Variants in PIH1D2 observed in about 807,000 individuals in gnomAD.
The protein encoded by PIH1D2 is PIH1 domain-containing protein 2.
Under a neutral mutation model 31.2 loss-of-function variants are expected in PIH1D2, and 25 were observed. The ratio of observed to expected loss-of-function variants is 0.80; its 90% CI spans 0.58 to 1.12. The LOEUF (loss-of-function observed/expected upper bound fraction) is 1.12, where lower values mean the gene tolerates loss of function less well. Among genes scored for constraint, PIH1D2 ranks in the 50% most tolerant of loss-of-function variants. PIH1D2 has a pLI of 0.00. For missense variants in PIH1D2, 310 were observed against 356.6 expected, an observed-to-expected ratio of 0.87 and a Z score of 1.05; for synonymous variants, 116 against 119.9, an observed-to-expected ratio of 0.97 and a Z score of 0.21.
chr11:112,055,152 C>T, the PIH1D2 span, among the ~76,000 whole-genome samples: 1 of 151,666 alleles, frequency 6.6e-6, no homozygotes, highest in South Asian at 2.1e-4. Flanking sequence ...ATTCATACTA[C>T]TGACTCGTGG....
At chr11:112,066,379 G>A (rs587736420), downstream of PIH1D2, among the ~76,000 whole-genome samples, 3 of 152,206 alleles carry the variant, frequency 2.0e-5, no homozygotes, top group South Asian at 2.1e-4. Flanking sequence ...GGTGGCTTAC[G>A]TCTGTAATGT....
chr11:112,066,286 A>G (rs1477575003), downstream of PIH1D2, among the ~76,000 whole-genome samples: 3 of 152,144 alleles, frequency 2.0e-5, no homozygotes, highest in African/African-American at 7.2e-5. Context: ...ACTTCTGATC[A>G]TTTCTTTAGG....
At chr11:112,061,011 A>T, downstream of PIH1D2, 3 of 1,537,836 alleles carry the variant, frequency 2.0e-6, no homozygotes, top group Non-Finnish European at 2.6e-6. Flanking sequence ...ACAAACTATA[A>T]TTTATTTTTA....
the PIH1D2 span, among the ~76,000 whole-genome samples, chr11:112,057,400 G>T: frequency 2.0e-5 from 3 of 152,230 alleles, no homozygotes; most frequent in African/African-American, 7.2e-5. Context: ...AGCCAAGATC[G>T]GTTGAAAGCT....
chr11:112,063,282 C>T (rs1319105311), downstream of PIH1D2: 2 of 151,440 alleles, frequency 1.3e-5, no homozygotes, highest in Non-Finnish European at 2.9e-5. Flanking sequence ...ACAGTTACCT[C>T]CAAAAAAGAA....
downstream of PIH1D2, among the ~76,000 whole-genome samples, chr11:112,058,659 A>G (rs1205687553): frequency 5.3e-5 from 8 of 149,578 alleles, no homozygotes; most frequent in Non-Finnish European, 1.0e-4. Context: ...TTTTTCTACT[A>G]ACATTTAGCA....
At chr11:112,066,977 C>T (rs1864944586), downstream of PIH1D2, among the ~76,000 whole-genome samples, 2 of 152,102 alleles carry the variant, frequency 1.3e-5, no homozygotes, top group Admixed American at 6.5e-5. Flanking sequence ...ACGGGAGGAT[C>T]GCTTGAACCT....
downstream of PIH1D2, among the ~76,000 whole-genome samples, chr11:112,059,349 C>T (rs1337718147): frequency 1.3e-5 from 2 of 149,826 alleles, no homozygotes; most frequent in East Asian, 3.9e-4. Context: ...ACACATTTCT[C>T]ATTCTTTTTT....
downstream of PIH1D2, chr11:112,064,017 C>A: frequency 1.5e-6 from 1 of 645,526 alleles, no homozygotes; most frequent in South Asian, 2.3e-5. Flanking sequence ...CCATATATTC[C>A]ACACAGACTT....
At chr11:112,060,803 A>G (rs587694496), downstream of PIH1D2, among the ~76,000 whole-genome samples, 1 of 152,304 alleles carries the variant, frequency 6.6e-6, no homozygotes, top group African/African-American at 2.4e-5. Context: ...TTCTGAAAAT[A>G]AAGTAAAATT....
At chr11:112,054,198 C>T in the PIH1D2 span, among the ~76,000 whole-genome samples, 2,494 of 151,836 alleles carry the variant, frequency 0.016, 29 homozygotes, top group Non-Finnish European at 0.023. Context: ...CGCCTGTAGT[C>T]CCAGCTAATC....
At chr11:112,056,809 A>G in the PIH1D2 span, among the ~76,000 whole-genome samples, 1 of 152,188 alleles carries the variant, frequency 6.6e-6, no homozygotes, top group African/African-American at 2.4e-5. Context: ...TAAGTGTTCC[A>G]GTTTCTCTAT....
At chr11:112,060,862 G>A (rs1253903761), downstream of PIH1D2, among the ~76,000 whole-genome samples, 2 of 152,028 alleles carry the variant, frequency 1.3e-5, no homozygotes, top group Admixed American at 6.6e-5. Flanking sequence ...GACATTTTCC[G>A]GCTGACATTT....
downstream of PIH1D2, among the ~76,000 whole-genome samples, chr11:112,065,380 G>T (rs80084492): frequency 0.014 from 2,118 of 152,280 alleles, 53 homozygotes; most frequent in African/African-American, 0.048. Flanking sequence ...TACAAACACA[G>T]ATACTGATGA....
chr11:112,055,616 G>A, the PIH1D2 span, among the ~76,000 whole-genome samples: 1 of 151,912 alleles, frequency 6.6e-6, no homozygotes, highest in East Asian at 1.9e-4. Context: ...CACTGTTACT[G>A]AACATACCTT....
the PIH1D2 span, among the ~76,000 whole-genome samples, chr11:112,053,492 G>A: frequency 2.0e-5 from 3 of 151,398 alleles, no homozygotes; most frequent in South Asian, 2.1e-4. Flanking sequence ...TCTTTCTGTC[G>A]CCTAGGCTAG....
At chr11:112,056,686 T>G in the PIH1D2 span, among the ~76,000 whole-genome samples, 1 of 152,342 alleles carries the variant, frequency 6.6e-6, no homozygotes, top group South Asian at 2.1e-4. Context: ...TTCAGTAGAT[T>G]CCTAGGAGTG....
the PIH1D2 span, among the ~76,000 whole-genome samples, chr11:112,055,162 G>A: frequency 6.6e-6 from 1 of 151,646 alleles, no homozygotes; most frequent in Non-Finnish European, 1.5e-5. Flanking sequence ...CTGACTCGTG[G>A]AGAGTTTTCT....
chr11:112,060,902 C>T, downstream of PIH1D2: 2 of 691,046 alleles, frequency 2.9e-6, no homozygotes, highest in Non-Finnish European at 4.8e-6. Flanking sequence ...TGTATATCTT[C>T]AGTAATGTGT....
Sources: gnomAD v4.1 joint callset for allele counts (sites outside exome capture counted in the v4.1 genomes callset) on GRCh38, gnomAD v4.1.1 for gene constraint, MANE v1.5 for transcripts, NCBI Gene and HGNC (gene_info 2026-07-23, HGNC 2026-07-21) for gene names.